Variants in SGIP1 observed in about 807,000 individuals in gnomAD.
The protein encoded by SGIP1 is SH3-containing GRB2-like protein 3-interacting protein 1.
A neutral mutation model predicts 107.5 loss-of-function variants in SGIP1; 38 were observed. The observed-to-expected ratio is 0.35, with a 90% CI of 0.27 to 0.46. The LOEUF (loss-of-function observed/expected upper bound fraction) is 0.46. Among genes scored for constraint, SGIP1 ranks in the 20% least tolerant of loss-of-function variants. The pLI is 1.00. For synonymous variants in SGIP1, 365 were observed against 366.1 expected, an observed-to-expected ratio of 1.00 and a Z score of 0.03; for missense variants, 929 against 1,019.5, an observed-to-expected ratio of 0.91 and a Z score of 1.21.
rs7521704 is a variant in SGIP1 at position 66,694,435 on chromosome 1, G to A, written c.1571-999G>A. The A allele has an allele frequency of 4.2e-3, 6,711 of 1,605,574 alleles. 216 individuals are homozygous for A. The African/African-American group carries it at 0.072, about 17-fold the overall frequency. The stretch of plus-strand genomic sequence containing the variant: ...CCATTCGTTTATGTTTCTTTGGTTC[G>A]TAGTGTCAGAAGACGATGTTTTTTA... On this transcript the variant is annotated intron_variant, in intron 17 of 24. Coordinates refer to ENST00000371037, the MANE Select transcript of SGIP1 (RefSeq NM_032291.4).
intron 18 of SGIP1, among the ~76,000 whole-genome samples, chr1:66,699,054 T>C (rs1372466280): frequency 1.3e-5 from 2 of 152,062 alleles, no homozygotes; most frequent in African/African-American, 4.8e-5. Flanking sequence ...TACTCGTCTT[T>C]TCCCATCATT....
intron 7 of SGIP1, among the ~76,000 whole-genome samples, chr1:66,653,511 A>G (rs1283336444): frequency 6.6e-6 from 1 of 152,132 alleles, no homozygotes; most frequent in Non-Finnish European, 1.5e-5. Flanking sequence ...TCTTCCTGAA[A>G]TGTAAGGGTT....
At chr1:66,706,419 T>C (rs1368215218) in intron 18 of SGIP1, among the ~76,000 whole-genome samples, 1 of 145,320 alleles carries the variant, frequency 6.9e-6, no homozygotes, top group Admixed American at 7.0e-5. Flanking sequence ...AATAAATATA[T>C]ATGATATAAT....
chr1:66,572,216 T>C (rs2060474781), intron 1 of SGIP1, among the ~76,000 whole-genome samples: 1 of 152,048 alleles, frequency 6.6e-6, no homozygotes, highest in African/African-American at 2.4e-5. Context: ...GTTTTTCTCC[T>C]ATCCTATAAA....
chr1:66,678,788 A>C (rs540026903), intron 13 of SGIP1, among the ~76,000 whole-genome samples: 1 of 152,334 alleles, frequency 6.6e-6, no homozygotes, highest in African/African-American at 2.4e-5. Context: ...GGTACCAGCA[A>C]GCGCTCTCCA....
intron 18 of SGIP1, among the ~76,000 whole-genome samples, chr1:66,716,637 G>A (rs1037539141): frequency 1.3e-4 from 19 of 151,912 alleles, no homozygotes; most frequent in Admixed American, 8.5e-4. Flanking sequence ...CCCATCTTCC[G>A]TTCAGGGTGT....
At chr1:66,726,004 C>T (rs569827) in intron 19 of SGIP1, among the ~76,000 whole-genome samples, 27,699 of 152,166 alleles carry the variant, frequency 0.18, 3,025 homozygotes, top group Non-Finnish European at 0.24. Context: ...GCCAGTTGTA[C>T]TACATGAGTC....
intron 18 of SGIP1, among the ~76,000 whole-genome samples, chr1:66,696,958 C>G (rs1439758975): frequency 6.6e-6 from 1 of 152,196 alleles, no homozygotes. Context: ...TACCTGCATA[C>G]TTAAAGGCAC....
intron 13 of SGIP1, among the ~76,000 whole-genome samples, chr1:66,678,903 C>A (rs928691103): frequency 6.6e-6 from 1 of 152,150 alleles, no homozygotes; most frequent in African/African-American, 2.4e-5. Context: ...AGTGTGAACT[C>A]TTTGAATCTA....
chr1:66,543,246 A>T (rs184931089), intron 1 of SGIP1, among the ~76,000 whole-genome samples: 2 of 152,288 alleles, frequency 1.3e-5, no homozygotes, highest in East Asian at 3.9e-4. Flanking sequence ...CACACGTTTT[A>T]TCAAAAAGCC....
intron 1 of SGIP1, among the ~76,000 whole-genome samples, chr1:66,543,841 G>A (rs1039457755): frequency 3.3e-5 from 5 of 152,170 alleles, no homozygotes; most frequent in African/African-American, 1.2e-4. Context: ...ATTATGAAGA[G>A]CAAATGAAAT....
chr1:66,564,925 T>C (rs1421686219), intron 1 of SGIP1, among the ~76,000 whole-genome samples: 6 of 151,986 alleles, frequency 3.9e-5, no homozygotes, highest in African/African-American at 1.4e-4. Context: ...ACTAGCGTAA[T>C]AGTAACACTT....
chr1:66,676,886 AG>A (rs2085498223), intron 12 of SGIP1, 117 bp from the exon 13 acceptor site: 1 of 723,358 alleles, frequency 1.4e-6, no homozygotes, highest in East Asian at 2.7e-5. Flanking sequence ...TTAATTTTTT[AG>A]TACTGAGACA....
intron 15 of SGIP1, among the ~76,000 whole-genome samples, chr1:66,686,163 G>A (rs1015594417): frequency 6.6e-6 from 1 of 152,224 alleles, no homozygotes; most frequent in South Asian, 2.1e-4. Flanking sequence ...GCAGAGCCAG[G>A]TTATGGTCCC....
At chr1:66,629,879 C>T (rs1318196132) in intron 2 of SGIP1, among the ~76,000 whole-genome samples, 1 of 152,184 alleles carries the variant, frequency 6.6e-6, no homozygotes, top group South Asian at 2.1e-4. Context: ...GTTCTAGAGA[C>T]TGTCTCAGGT....
intron 1 of SGIP1, among the ~76,000 whole-genome samples, chr1:66,613,246 A>T (rs1168969695): frequency 6.6e-6 from 1 of 152,134 alleles, no homozygotes; most frequent in Non-Finnish European, 1.5e-5. Flanking sequence ...AAATCAGAGG[A>T]TGTCACTTTC....
In SGIP1 at chr1:66,749,456, GT is replaced by G. The variant is rs944245811; in HGVS notation, c.*6370del. Among the ~76,000 whole-genome samples the G allele has an allele frequency of 6.2e-5, 9 of 146,130 alleles. No homozygotes were observed. The highest frequency in any genetic ancestry group is 4.0e-4 in the East Asian group (2 of 5,052). On this transcript the variant is annotated 3_prime_UTR_variant, in exon 25 of 25. Coordinates refer to ENST00000371037, the MANE Select transcript of SGIP1 (RefSeq NM_032291.4). ...CATTTCATAGGGTTTTTTTTTTGCT[GT>G]TTTTTTTTCTTTTTTTGCTTTGCTT...
intron 3 of SGIP1, among the ~76,000 whole-genome samples, chr1:66,633,365 G>T (rs1166343503): frequency 6.6e-6 from 1 of 152,124 alleles, no homozygotes; most frequent in Non-Finnish European, 1.5e-5. Context: ...TCACGCAGGG[G>T]CTGCTCCCAT....
At chr1:66,686,988 A>G (rs1557628223) in intron 15 of SGIP1, among the ~76,000 whole-genome samples, 1 of 152,220 alleles carries the variant, frequency 6.6e-6, no homozygotes, top group Non-Finnish European at 1.5e-5. Flanking sequence ...CTCACTGTTT[A>G]AAACAAGGAA....
Sources: gnomAD v4.1 joint callset for allele counts (sites outside exome capture counted in the v4.1 genomes callset) on GRCh38, gnomAD v4.1.1 for gene constraint, MANE v1.5 for transcripts, NCBI Gene and HGNC (gene_info 2026-07-23, HGNC 2026-07-21) for gene names.